Variants in BCAS3 observed in about 807,000 individuals in gnomAD.
BCAS3 encodes BCAS3 microtubule associated cell migration factor.
In BCAS3, 53 loss-of-function variants were observed where a neutral mutation model predicts 116.1. The ratio of observed to expected loss-of-function variants is 0.46; its 90% CI spans 0.37 to 0.57. The LOEUF (loss-of-function observed/expected upper bound fraction) is 0.57. BCAS3 is among the 20% of genes least tolerant of loss of function. The pLI, the probability that BCAS3 is intolerant of heterozygous loss-of-function variation, is 0.00. For missense variants in BCAS3, 917 were observed against 1,165.4 expected (o/e 0.79, Z 3.10); for synonymous variants, 391 against 408.2 (o/e 0.96, Z 0.51).
intron 22 of BCAS3, among the ~76,000 whole-genome samples, chr17:61,267,745 AAAG>A (rs2049874202): frequency 1.3e-5 from 2 of 152,050 alleles, no homozygotes; most frequent in South Asian, 4.2e-4. Context: ...AAAGAAAAGA[AAAG>A]AAGAAAGGTG....
At chr17:61,270,407 G>A (rs760248328) in intron 22 of BCAS3, among the ~76,000 whole-genome samples, 5 of 152,044 alleles carry the variant, frequency 3.3e-5, no homozygotes, top group Admixed American at 1.3e-4. Context: ...ACAGGCATAA[G>A]CCACCATGCC....
At chr17:61,297,890 C>T (rs1349549873) in intron 22 of BCAS3, among the ~76,000 whole-genome samples, 1 of 151,766 alleles carries the variant, frequency 6.6e-6, no homozygotes, top group African/African-American at 2.4e-5. Context: ...ATGTCGTCCC[C>T]TAAAAAGACT....
At chr17:61,350,218 C>T (rs1442751729) in intron 22 of BCAS3, among the ~76,000 whole-genome samples, 2 of 151,808 alleles carry the variant, frequency 1.3e-5, no homozygotes, top group Non-Finnish European at 2.9e-5. Context: ...AGTTTGAGAC[C>T]AGCCTGGCCA....
chr17:60,813,772 T>A (rs1370490229), intron 7 of BCAS3, among the ~76,000 whole-genome samples: 1 of 152,218 alleles, frequency 6.6e-6, no homozygotes, highest in Non-Finnish European at 1.5e-5. Flanking sequence ...AGGATTTTTA[T>A]AGTTTAGGGA....
intron 7 of BCAS3, among the ~76,000 whole-genome samples, chr17:60,808,681 C>G (rs1164352171): frequency 6.6e-6 from 1 of 152,190 alleles, no homozygotes; most frequent in Admixed American, 6.5e-5. Flanking sequence ...ATACTCAGCA[C>G]TTTGCCGGGT....
intron 6 of BCAS3, among the ~76,000 whole-genome samples, chr17:60,803,613 G>A (rs903507037): frequency 6.6e-6 from 1 of 151,920 alleles, no homozygotes; most frequent in African/African-American, 2.4e-5. Flanking sequence ...TAACTCAGAA[G>A]TTGAAACAAC....
At chr17:60,728,721 C>G (rs1199440051) in intron 5 of BCAS3, among the ~76,000 whole-genome samples, 1 of 152,038 alleles carries the variant, frequency 6.6e-6, no homozygotes, top group African/African-American at 2.4e-5. Flanking sequence ...CTCAAGCAAT[C>G]TACCGCCTCA....
chr17:60,874,770 C>T (rs1418334493), intron 9 of BCAS3, 32 bp downstream of exon 9: 7 of 1,466,646 alleles, frequency 4.8e-6, no homozygotes, highest in Non-Finnish European at 5.7e-6. Flanking sequence ...CTTCTTATGC[C>T]TTTGGGTTTA....
At chr17:60,903,925 AC>A (rs2058055120) in intron 11 of BCAS3, among the ~76,000 whole-genome samples, 1 of 152,188 alleles carries the variant, frequency 6.6e-6, no homozygotes, top group Admixed American at 6.5e-5. Context: ...TCTATCTCAT[AC>A]ACATGGGTCA....
At position 61,241,907 on chromosome 17, in the gene BCAS3, GT is replaced by G. The variant is rs916091617; in HGVS notation, c.2426-126417del. 6.6e-6 allele frequency among the ~76,000 whole-genome samples: 1 copy of G among 152,084 alleles called. No individual in the cohort carries two copies. Among genetic ancestry groups the G allele is most frequent in the African/African-American group, 2.4e-5 (1 of 41,440 alleles). Reference sequence around the variant, plus strand: ...TCAGGTTTTTTCTTGTTTGTTTGTTGTTTACTAAAGAGGAATCATTTCTCAG... The same window carrying G: ...TCAGGTTTTTTCTTGTTTGTTTGTTGTTACTAAAGAGGAATCATTTCTCAG... On this transcript the variant is annotated intron_variant, in intron 22 of 23. Coordinates refer to ENST00000407086, the MANE Select transcript of BCAS3 (RefSeq NM_017679.5). This position sits in a 1 kb window ranked among gnomAD's most constrained non-coding sequence, Gnocchi z 4.6.
At chr17:61,322,830 CAGAGAGAGAGAGAGAGAGAGAGAGACAG>C (rs1317926040) in intron 22 of BCAS3, among the ~76,000 whole-genome samples, 109 of 75,420 alleles carry the variant, frequency 1.4e-3, no homozygotes, top group African/African-American at 3.6e-3. Context: ...GAGAGAGAGA[CAGAGAGAGAGAGAGAGAGAGAGAGACAG>C]AGAGAGAGAG....
At chr17:61,060,501 GA>G (rs1357861534) in intron 19 of BCAS3, among the ~76,000 whole-genome samples, 1 of 152,066 alleles carries the variant, frequency 6.6e-6, no homozygotes, top group Non-Finnish European at 1.5e-5. Context: ...ACCTGTTCTA[GA>G]AAAGTATTAC....
chr17:61,172,422 C>G (rs949818637), intron 22 of BCAS3, among the ~76,000 whole-genome samples: 1 of 151,788 alleles, frequency 6.6e-6, no homozygotes, highest in African/African-American at 2.4e-5. Flanking sequence ...TCACGAGGTC[C>G]AGAGATCGAG....
At chr17:60,749,226 CTT>C (rs2042245484) in intron 6 of BCAS3, among the ~76,000 whole-genome samples, 3 of 152,122 alleles carry the variant, frequency 2.0e-5, no homozygotes, top group Non-Finnish European at 2.9e-5. Flanking sequence ...TTCCTTCACT[CTT>C]GATTGATTGT....
intron 7 of BCAS3, among the ~76,000 whole-genome samples, chr17:60,857,034 G>C (rs1350517953): frequency 2.6e-5 from 4 of 152,074 alleles, no homozygotes. Context: ...ATGTACAGTA[G>C]GTAACAGATT....
At chr17:61,306,047 C>G (rs1368364925) in intron 22 of BCAS3, among the ~76,000 whole-genome samples, 1 of 152,224 alleles carries the variant, frequency 6.6e-6, no homozygotes, top group Non-Finnish European at 1.5e-5. Context: ...ATGCCCTTAA[C>G]CAGAGTTCTG....
chr17:60,691,056 C>G (rs984413203), intron 4 of BCAS3, among the ~76,000 whole-genome samples: 63 of 152,198 alleles, frequency 4.1e-4, no homozygotes, highest in African/African-American at 1.4e-3. Context: ...TCTCAGCCCC[C>G]TGAGTAGCTG....
In BCAS3 at chr17:61,380,903, G is replaced by A. The variant is rs554190642; in HGVS notation, c.2594-11074G>A. Among the ~76,000 whole-genome samples, 11 of 152,336 alleles carry A rather than the reference G, an allele frequency of 7.2e-5. No homozygotes were observed. The highest frequency in any genetic ancestry group is 2.1e-4 in the South Asian group (1 of 4,830). ...CCATTGACTGCCCCTCTTGTAGTGC[G>A]TCTATTAGTGAGTAATTTGATTTGT... On this transcript the variant is annotated intron_variant, in intron 23 of 23. Transcript: ENST00000407086. The surrounding 1 kb of genome is among the most constrained non-coding windows in gnomAD (Gnocchi z 4.2).
intron 19 of BCAS3, among the ~76,000 whole-genome samples, chr17:61,047,166 G>A (rs903613870): frequency 2.0e-5 from 3 of 151,880 alleles, no homozygotes; most frequent in African/African-American, 7.2e-5. Context: ...TGAATGGAAT[G>A]ACCAAAATTA....
Sources: gnomAD v4.1 joint callset for allele counts (sites outside exome capture counted in the v4.1 genomes callset) on GRCh38, gnomAD v4.1.1 for gene constraint, Gnocchi (gnomAD v3.1) non-coding constraint, MANE v1.5 for transcripts, NCBI Gene and HGNC (gene_info 2026-07-23, HGNC 2026-07-21) for gene names.